STXBP5L: variants seen among roughly 807,000 people sequenced by gnomAD.
STXBP5L encodes syntaxin binding protein 5L, also known as syntaxin-binding protein 5-like.
A neutral mutation model predicts 144.5 loss-of-function variants in STXBP5L; 65 were observed. That is an observed-to-expected ratio of 0.45 (90% CI 0.37 to 0.55). STXBP5L has a LOEUF of 0.55. STXBP5L is among the 20% of genes least tolerant of loss of function. The pLI is 0.00. For missense variants in STXBP5L, 1,298 were observed against 1,405.5 expected, an observed-to-expected ratio of 0.92 and a Z score of 1.22; for synonymous variants, 505 against 469.6, an observed-to-expected ratio of 1.08 and a Z score of -0.97.
At chr3:121,212,624 G>A (rs2048621259) in intron 10 of STXBP5L, among the ~76,000 whole-genome samples, 2 of 152,242 alleles carry the variant, frequency 1.3e-5, no homozygotes, top group East Asian at 1.9e-4. Flanking sequence ...TAGCCTTGCA[G>A]TATAGTTTGA....
In STXBP5L at chr3:121,275,127, C is replaced by A. The variant is rs563045053; in HGVS notation, c.1959-4678C>A. Among the ~76,000 whole-genome samples, 236 of 152,158 alleles carry A rather than the reference C, an allele frequency of 1.6e-3. 3 individuals are homozygous for A. Among genetic ancestry groups the A allele is most frequent in the African/African-American group, 5.3e-3 (222 of 41,530 alleles). On this transcript the variant is annotated intron_variant, in intron 18 of 26. Transcript: ENST00000471454. ...TCTAGGTCTGTCTTTATACCAATAC[C>A]GGCCTGTCTTGATTCCTGTACTTTT...
At chr3:121,120,886 A>T (rs1353265270) in intron 6 of STXBP5L, among the ~76,000 whole-genome samples, 1 of 151,206 alleles carries the variant, frequency 6.6e-6, no homozygotes, top group East Asian at 1.9e-4. Flanking sequence ...AACCCTTGTT[A>T]TATCAGATCA....
intron 9 of STXBP5L, among the ~76,000 whole-genome samples, chr3:121,197,523 C>G (rs757066202): frequency 9.2e-5 from 14 of 151,946 alleles, no homozygotes; most frequent in Admixed American, 2.0e-4. Context: ...TTCTGGGATA[C>G]ATAGGCAGAA....
intron 11 of STXBP5L, among the ~76,000 whole-genome samples, chr3:121,226,955 G>C (rs1369234061): frequency 6.6e-6 from 1 of 152,134 alleles, no homozygotes; most frequent in Non-Finnish European, 1.5e-5. Context: ...TTGAAGACAA[G>C]CATTTTAGGC....
intron 20 of STXBP5L, among the ~76,000 whole-genome samples, chr3:121,326,603 T>C (rs939055667): frequency 5.3e-5 from 8 of 152,138 alleles, no homozygotes; most frequent in Non-Finnish European, 1.0e-4. Context: ...GTATCTTCTG[T>C]ATCAAGGAGA....
chr3:121,264,678 T>TG (rs1328769092), intron 18 of STXBP5L, among the ~76,000 whole-genome samples: 2 of 152,108 alleles, frequency 1.3e-5, no homozygotes, highest in East Asian at 3.9e-4. Flanking sequence ...AGACACAGAC[T>TG]GGCAAATTGG....
chr3:121,336,476 G>A (rs560887933), intron 20 of STXBP5L, among the ~76,000 whole-genome samples: 20 of 151,974 alleles, frequency 1.3e-4, no homozygotes, highest in South Asian at 2.1e-4. Flanking sequence ...CAGCCTGGGC[G>A]TCAGCAAGAC....
intron 14 of STXBP5L, among the ~76,000 whole-genome samples, chr3:121,249,216 T>G (rs1320598590): frequency 6.6e-6 from 1 of 152,192 alleles, no homozygotes; most frequent in Non-Finnish European, 1.5e-5. Flanking sequence ...ATCTGCACAT[T>G]GCTTTGGGCG....
At chr3:121,012,395 A>T (rs1230955569) in intron 3 of STXBP5L, among the ~76,000 whole-genome samples, 1 of 151,828 alleles carries the variant, frequency 6.6e-6, no homozygotes, top group Non-Finnish European at 1.5e-5. Context: ...CTATTATTGA[A>T]TTCCAAAAAG....
intron 11 of STXBP5L, among the ~76,000 whole-genome samples, chr3:121,224,088 AC>A (rs1326396095): frequency 1.2e-4 from 18 of 152,284 alleles, no homozygotes; most frequent in Admixed American, 7.2e-4. Flanking sequence ...AGAGCACTGG[AC>A]TTGGGGACAG....
intron 20 of STXBP5L, among the ~76,000 whole-genome samples, chr3:121,341,617 G>A (rs2044716171): frequency 6.6e-6 from 1 of 152,132 alleles, no homozygotes; most frequent in South Asian, 2.1e-4. Context: ...AGCAATTTAA[G>A]TGTCTATCAG....
At chr3:121,400,731 G>A (rs986296384) in intron 22 of STXBP5L, among the ~76,000 whole-genome samples, 23 of 152,140 alleles carry the variant, frequency 1.5e-4, no homozygotes, top group Admixed American at 1.0e-3. Flanking sequence ...GTCTGGACTT[G>A]AATGACCCTG....
At chr3:121,315,996 GTC>G (rs10592946) in intron 19 of STXBP5L, among the ~76,000 whole-genome samples, 67,852 of 143,390 alleles carry the variant, frequency 0.47, 16,039 homozygotes, top group East Asian at 0.73. Flanking sequence ...GTGAGACTCT[GTC>G]TCAAAAAAAA....
intron 2 of STXBP5L, among the ~76,000 whole-genome samples, chr3:120,950,100 A>C (rs1420096630): frequency 1.3e-5 from 2 of 152,070 alleles, no homozygotes. Context: ...ACCTAATTGA[A>C]GTCACTAAGA....
chr3:121,384,411 C>T (rs2046381493), intron 22 of STXBP5L, among the ~76,000 whole-genome samples: 1 of 152,052 alleles, frequency 6.6e-6, no homozygotes, highest in South Asian at 2.1e-4. Context: ...CAATTGTAAT[C>T]TCAGCATTTT....
At chr3:121,101,813 T>G (rs2043441371) in intron 5 of STXBP5L, among the ~76,000 whole-genome samples, 1 of 152,100 alleles carries the variant, frequency 6.6e-6, no homozygotes, top group East Asian at 1.9e-4. Flanking sequence ...GCTGATGATA[T>G]AATTCTATAC....
intron 5 of STXBP5L, among the ~76,000 whole-genome samples, chr3:121,064,566 ACT>A (rs1560080996): frequency 1.3e-5 from 2 of 152,150 alleles, no homozygotes; most frequent in African/African-American, 4.8e-5. Flanking sequence ...GGCAATATTG[ACT>A]CTCTGTCATT....
intron 5 of STXBP5L, among the ~76,000 whole-genome samples, chr3:121,051,619 C>A (rs1217409291): frequency 6.6e-6 from 1 of 151,988 alleles, no homozygotes; most frequent in Non-Finnish European, 1.5e-5. Flanking sequence ...CACTAAATGC[C>A]CACAAGAGAA....
rs140728367 is a variant in STXBP5L at position 120,945,627 on chromosome 3, T to C, written c.190-9313T>C. Among the ~76,000 whole-genome samples the C allele has an allele frequency of 3.0e-3, 463 of 151,866 alleles. 3 individuals carry two copies. Among genetic ancestry groups the C allele is most frequent in the African/African-American group, 0.01 (432 of 41,496 alleles). On this transcript the variant is annotated intron_variant, in intron 2 of 26. Coordinates refer to ENST00000471454, the MANE Select transcript of STXBP5L (RefSeq NM_001308330.2). The stretch of plus-strand genomic sequence containing the variant: ...TTTTTTAACCTGAGATGCATAGCCA[T>C]GCCAAGCCATGTATGCATCTGAAGA...
Sources: gnomAD v4.1 joint callset for allele counts (sites outside exome capture counted in the v4.1 genomes callset) on GRCh38, gnomAD v4.1.1 for gene constraint, MANE v1.5 for transcripts, NCBI Gene and HGNC (gene_info 2026-07-23, HGNC 2026-07-21) for gene names.